Variants in UBA7 observed in about 807,000 individuals in gnomAD.
The protein encoded by UBA7 is ubiquitin like modifier activating enzyme 7, also known as ubiquitin-like modifier-activating enzyme 7.
In UBA7, 88 loss-of-function variants were observed where a neutral mutation model predicts 113.0. That is an observed-to-expected ratio of 0.78 (90% confidence interval 0.66 to 0.93). The LOEUF (loss-of-function observed/expected upper bound fraction) is 0.93. Ranked by LOEUF, UBA7 falls within the 40% of genes least tolerant of loss-of-function variation. The pLI is 0.00. For missense variants in UBA7, 1,092 were observed against 1,266.4 expected (o/e 0.86, Z 2.09); for synonymous variants, 459 against 513.0 (o/e 0.89, Z 1.42).
chr3:49,812,823 G>A, intron 4 of UBA7, 85 bp from the exon 5 acceptor site: 1 of 1,477,320 alleles, frequency 6.8e-7, no homozygotes, highest in East Asian at 2.4e-5. Flanking sequence ...CAGAGGGCCA[G>A]AATTGGGAAA....
In UBA7 at chr3:49,813,858, G is replaced by GTA; in HGVS notation, c.-73_-72dup. On this transcript the variant is annotated 5_prime_UTR_variant, in exon 1 of 24. Coordinates refer to ENST00000333486, the MANE Select transcript of UBA7 (RefSeq NM_003335.3). ...GGTCTTTGTGTAGGTGGCGGTGACA[G>GTA]TAGGGGCCAGTGCCCTGCTGTAGCC... 6.4e-7 allele frequency: 1 copy of GTA among 1,569,210 alleles called. No individual in the cohort carries two copies. The highest frequency in any genetic ancestry group is 8.7e-7 in the Non-Finnish European group (1 of 1,148,116).
chr3:49,805,823 C>T, intron 23 of UBA7, 74 bp downstream of exon 23: 1 of 1,403,346 alleles, frequency 7.1e-7, no homozygotes, highest in Non-Finnish European at 9.8e-7. Flanking sequence ...GCTGGGAAGA[C>T]AAAAGGCAGT....
At position 49,807,669 on chromosome 3, in the gene UBA7, C is replaced by A; in HGVS notation, c.2715+67G>T. ...GTGAGAGCCGGCAGCTAGATTGGGG[C>A]CTGTATGGGCAGGTGCAGGGGAAAC... On this transcript the variant is annotated intron_variant, in intron 21 of 23. Coordinates refer to ENST00000333486, the MANE Select transcript of UBA7 (RefSeq NM_003335.3). This position sits in a 1 kb window ranked among gnomAD's most constrained non-coding sequence, Gnocchi z 4.0. 6.6e-7 allele frequency: 1 copy of A among 1,518,724 alleles called. No individual in the cohort carries two copies. The highest frequency in any genetic ancestry group is 8.8e-7 in the Non-Finnish European group (1 of 1,131,430). The allele number at this position is 1,518,724 out of a possible 1,614,324, so 94.1% of individuals were successfully genotyped here.
Position 49,810,352 on chromosome 3 carries a change from G to C in UBA7, c.1544C>G (p.Pro515Arg), listed in dbSNP as rs2108300752. 1 of 1,614,168 alleles carries C rather than the reference G, an allele frequency of 6.2e-7. No individual in the cohort carries two copies. Among genetic ancestry groups the C allele is most frequent in the East Asian group, 2.2e-5 (1 of 44,878 alleles). Residue 515 changes from proline (P) to arginine (R), a missense_variant, in exon 13 of 24, where the codon CCA becomes CGA. This residue lies in a region of UBA7 where 584 missense variants were observed against 714.5 expected (regional missense o/e 0.82). Transcript: ENST00000333486. This position sits in a 1 kb window ranked among gnomAD's most constrained non-coding sequence, Gnocchi z 5.6. ...PDLQVIPLTY[P>R]LDPTTEHIYG... ...GATGTGCTCTGTGGTGGGATCCAGT[G>C]GGTAGGTGAGCGGGATCACCTGTAA...
rs375722798 is a variant in UBA7, at chr3:49,810,878, C to T, written c.1231-46G>A. On this transcript the variant is annotated intron_variant, in intron 10 of 23. Coordinates refer to ENST00000333486, the MANE Select transcript of UBA7 (RefSeq NM_003335.3). This position sits in a 1 kb window ranked among gnomAD's most constrained non-coding sequence, Gnocchi z 5.6. Reference sequence around the variant, plus strand: ...CAGTGATGGCTACTGGCCTGCATCTCCTTCTTATACTGAGTTTTCTGAATC... The same window carrying T: ...CAGTGATGGCTACTGGCCTGCATCTTCTTCTTATACTGAGTTTTCTGAATC... 6.2e-7 allele frequency: 1 copy of T among 1,612,450 alleles called. No homozygotes were observed.
rs1264667181 is a variant in UBA7, at chr3:49,810,552, T to C, written c.1432A>G (p.Ser478Gly). The C allele has an allele frequency of 4.3e-6, 7 of 1,614,108 alleles. No individual in the cohort carries two copies. Among genetic ancestry groups the C allele is most frequent in the Admixed American group, 1.7e-5 (1 of 60,020 alleles). ...DMDHIERSNL[S>G]RQFLFRSQDV... ...TGGGACCTGAAGAGGAACTGACGGC[T>C]GAGATTGGAGCGCTCTATGTGGTCC... The change falls in exon 12 of 24, where the codon AGC becomes GGC. Residue 478 changes from serine to glycine, a missense_variant. Around this residue, in one of 3 missense-constraint regions of UBA7, gnomAD observed 584 missense variants for 714.5 expected, o/e 0.82. Transcript: ENST00000333486. This position sits in a 1 kb window ranked among gnomAD's most constrained non-coding sequence, Gnocchi z 5.6.
chr3:49,809,669 G>A lies in UBA7; in HGVS notation c.1961C>T (p.Pro654Leu). ...ACGCACTCTCAGGACCCCAAGCACT[G>A]GCTTCAGTAAGGTGAGTGTCTGTGG... ...DEPQTLTLLK[P>L]VLGVLRVRPQ... The change falls in exon 16 of 24, where the codon CCA (proline) becomes CTA (leucine). Residue 654 changes from proline to leucine, a missense_variant. Coordinates refer to ENST00000333486, the MANE Select transcript of UBA7 (RefSeq NM_003335.3). 6.2e-7 allele frequency: 1 copy of A among 1,614,142 alleles called. No homozygotes were observed. Among genetic ancestry groups the A allele is most frequent in the Non-Finnish European group, 8.5e-7 (1 of 1,180,028 alleles).
In UBA7 at chr3:49,810,874, A is replaced by G. The variant is rs769644511; in HGVS notation, c.1231-42T>C. 9 of 1,612,414 alleles carry G rather than the reference A, an allele frequency of 5.6e-6. No individual in the cohort carries two copies. The South Asian group carries it at 9.9e-5, about 18-fold the overall frequency. On this transcript the variant is annotated intron_variant, in intron 10 of 23. Transcript: ENST00000333486. The surrounding 1 kb of genome is among the most constrained non-coding windows in gnomAD (Gnocchi z 5.6). ...GGGTCAGTGATGGCTACTGGCCTGC[A>G]TCTCCTTCTTATACTGAGTTTTCTG...
rs201539477 is a variant in UBA7 at position 49,811,037 on chromosome 3, C to G, written c.1177G>C (p.Asp393His). 3 of 1,613,954 alleles carry G rather than the reference C, an allele frequency of 1.9e-6. No individual in the cohort carries two copies. In the African/African-American group the frequency reaches 4.0e-5, roughly 22 times the overall value. The change falls in exon 10 of 24, where the codon GAT becomes CAT. Residue 393 changes from aspartate (D) to histidine (H), a missense_variant. Transcript: ENST00000333486. ...AGCTCCCCATCTTCCGGAAGACAAT[C>G]GAGGGCATCAAAGTAAAGCCACTGG... Reference protein sequence around the residue: ...LDQWLYFDALDCLPEDGELLP... With the variant: ...LDQWLYFDALHCLPEDGELLP...
At position 49,807,852 on chromosome 3, in the gene UBA7, C is replaced by T. The variant is rs770757975; in HGVS notation, c.2599G>A (p.Glu867Lys). ...TAAVAGLLGL[E>K]LYKVVSGPRP... ...GGCCCACTCACCACCTTATACAGCT[C>T]CAGGCCCAACAGGCCTGCCACAGCT... Residue 867 changes from glutamate to lysine, a missense_variant, in exon 21 of 24, where the codon GAG becomes AAG. Physicochemically the swap from Glu to Lys is moderately conservative, Grantham distance 56. Coordinates refer to ENST00000333486, the MANE Select transcript of UBA7 (RefSeq NM_003335.3). This position sits in a 1 kb window ranked among gnomAD's most constrained non-coding sequence, Gnocchi z 4.0. 1.2e-6 allele frequency: 2 copies of T among 1,614,004 alleles called. No homozygotes were observed. The highest frequency in any genetic ancestry group is 1.7e-6 in the Non-Finnish European group (2 of 1,179,916).
chr3:49,808,363 C>T (rs2081489063), intron 19 of UBA7, 23 bp downstream of exon 19: 3 of 1,614,136 alleles, frequency 1.9e-6, no homozygotes, highest in African/African-American at 2.7e-5. Flanking sequence ...AGCCCCACTC[C>T]TCACTGCCAC....
intron 23 of UBA7, 147 bp from the exon 24 acceptor site, chr3:49,805,584 AT>A: frequency 1.3e-6 from 1 of 766,990 alleles, no homozygotes; most frequent in Non-Finnish European, 2.1e-6. Context: ...ATCTGAAACT[AT>A]TTTAGGAGCA....
chr3:49,812,869 G>A (rs1161481119), intron 4 of UBA7, 131 bp from the exon 5 acceptor site: 1 of 1,236,550 alleles, frequency 8.1e-7, no homozygotes, highest in Non-Finnish European at 1.2e-6. Context: ...TAGAATTTGA[G>A]AGGGTTACTG....
chr3:49,808,034 C>T lies in UBA7; in HGVS notation c.2509G>A (p.Val837Ile). The stretch of plus-strand genomic sequence containing the variant: ...GGTGGGGTTACCTGGGCACGGTTGA[C>T]CGGTGGAATCCCGTAGTTCTGACAT... ...LRCQNYGIPP[V>I]NRAQSKRIVG... The change falls in exon 20 of 24, where the codon GTC becomes ATC. Residue 837 changes from valine to isoleucine, a missense_variant. Around this residue, in one of 3 missense-constraint regions of UBA7, gnomAD observed 500 missense variants for 529.3 expected, o/e 0.94. Transcript: ENST00000333486. 6.2e-7 allele frequency: 1 copy of T among 1,614,134 alleles called. No individual in the cohort carries two copies. The highest frequency in any genetic ancestry group is 8.5e-7 in the Non-Finnish European group (1 of 1,180,004).
At position 49,812,493 on chromosome 3, in the gene UBA7, G is replaced by T; in HGVS notation, c.609C>A (p.Phe203Leu). ...TLRKGANTHY[F>L]RDGDLVTFSG... ...AGAAAGTCACCAAGTCTCCATCACG[G>T]AAGTAGTGGGTATTGGCCCCTTTCC... The change falls in exon 6 of 24, where the codon TTC (phenylalanine) becomes TTA (leucine). Residue 203 changes from phenylalanine (F) to leucine (L), a missense_variant. Around this residue, in one of 3 missense-constraint regions of UBA7, gnomAD observed 584 missense variants for 714.5 expected, o/e 0.82. Coordinates refer to ENST00000333486, the MANE Select transcript of UBA7 (RefSeq NM_003335.3). The T allele has an allele frequency of 1.2e-6, 2 of 1,614,208 alleles. No homozygotes were observed. The highest frequency in any genetic ancestry group is 1.6e-4 in the Middle Eastern group (1 of 6,062).
intron 8 of UBA7, 177 bp from the exon 9 acceptor site, chr3:49,811,632 A>C (rs1377989584): frequency 1.3e-5 from 15 of 1,128,808 alleles, no homozygotes; most frequent in Non-Finnish European, 1.9e-5. Flanking sequence ...CCAGTACCAG[A>C]CAGCAGTCCA....
At position 49,808,053 on chromosome 3, in the gene UBA7, C is replaced by G. The variant is rs1409092666; in HGVS notation, c.2490G>C (p.Gln830His). ...FVVAAASLRC[Q>H]NYGIPPVNRA... ...GGTTGACCGGTGGAATCCCGTAGTT[C>G]TGACATCTCAGGCTAGCTGCCGCTA... Residue 830 changes from glutamine to histidine, a missense_variant, in exon 20 of 24, where the codon CAG becomes CAC. Transcript: ENST00000333486. 2 of 1,614,134 alleles carry G rather than the reference C, an allele frequency of 1.2e-6. No individual in the cohort carries two copies. Among genetic ancestry groups the G allele is most frequent in the African/African-American group, 2.7e-5 (2 of 75,068 alleles).
At chr3:49,812,054 C>T (rs893174340) in intron 7 of UBA7, 38 bp from the exon 8 acceptor site, 1 of 1,614,076 alleles carries the variant, frequency 6.2e-7, no homozygotes, top group Non-Finnish European at 8.5e-7. Flanking sequence ...GTCCAGAATG[C>T]TATGGGCCCC....
In UBA7 at chr3:49,813,306, A is replaced by T. The variant is rs562428220; in HGVS notation, c.303T>A (p.Ala101=). 15 of 1,614,198 alleles carry T rather than the reference A, an allele frequency of 9.3e-6. No homozygotes were observed. The South Asian group carries it at 1.4e-4, about 15-fold the overall frequency. The change falls in exon 3 of 24, where the codon GCT becomes GCA. Residue 101 remains alanine, a synonymous_variant. Transcript: ENST00000333486. ...SQELLAQLNR[A]VQVVVHTGDI... ...CACCCGTGTGCACGACGACCTGGAC[A>T]GCTCTGTTGAGCTGAGCCAAGAGCT...
Sources: gnomAD v4.1 joint callset for allele counts on GRCh38, gnomAD v4.1.1 for gene constraint, gnomAD v4.1.1 regional missense constraint, Gnocchi (gnomAD v3.1) non-coding constraint, MANE v1.5 for transcripts, NCBI Gene and HGNC (gene_info 2026-07-23, HGNC 2026-07-21) for gene names.